Variants in RIMS1 observed in about 807,000 individuals in gnomAD.
RIMS1 encodes regulating synaptic membrane exocytosis 1, also known as regulating synaptic membrane exocytosis protein 1.
Under a neutral mutation model 214.1 loss-of-function variants are expected in RIMS1, and 83 were observed. The ratio of observed to expected loss-of-function variants is 0.39; its 90% confidence interval spans 0.32 to 0.47. The LOEUF (loss-of-function observed/expected upper bound fraction) is 0.47, where lower values mean the gene tolerates loss of function less well. Ranked by LOEUF, RIMS1 falls within the 20% of genes least tolerant of loss-of-function variation. The pLI, the probability that RIMS1 is intolerant of heterozygous loss-of-function variation, is 0.99. For synonymous variants in RIMS1, 793 were observed against 786.8 expected, an observed-to-expected ratio of 1.01 and a Z score of -0.13; for missense variants, 2,050 against 2,161.8, an observed-to-expected ratio of 0.95 and a Z score of 1.03.
At chr6:72,088,217 CTTTA>C (rs3079733) in intron 2 of RIMS1, among the ~76,000 whole-genome samples, 4,842 of 142,788 alleles carry the variant, frequency 0.034, 147 homozygotes, top group African/African-American at 0.082. Flanking sequence ...TATTTATTTA[CTTTA>C]TTTATTTATT....
In RIMS1 at chr6:71,987,727, C is replaced by T. The variant is rs561359171; in HGVS notation, c.245+18664C>T. ...ACAATAGAAAACAAAGATATGTAGA[C>T]TGGGAGGAAGGTGGACTTATTAGTC... On this transcript the variant is annotated intron_variant, in intron 2 of 33. Coordinates refer to ENST00000521978, the MANE Select transcript of RIMS1 (RefSeq NM_014989.7). Among the ~76,000 whole-genome samples, 5 of 152,160 alleles carry T rather than the reference C, an allele frequency of 3.3e-5. No individual in the cohort carries two copies. In the South Asian group the frequency reaches 6.2e-4, roughly 19 times the overall value.
At chr6:72,018,763 G>A (rs1813593332) in intron 2 of RIMS1, among the ~76,000 whole-genome samples, 1 of 152,146 alleles carries the variant, frequency 6.6e-6, no homozygotes, top group South Asian at 2.1e-4. Context: ...ACAGTGAGCA[G>A]ATTAGGATTG....
intron 4 of RIMS1, among the ~76,000 whole-genome samples, chr6:72,101,930 A>T (rs559002091): frequency 1.4e-3 from 208 of 152,126 alleles, no homozygotes; most frequent in African/African-American, 4.7e-3. Flanking sequence ...TGTAATGGGC[A>T]TATGTAATGG....
At chr6:72,030,435 G>A (rs1817759348) in intron 2 of RIMS1, among the ~76,000 whole-genome samples, 1 of 152,082 alleles carries the variant, frequency 6.6e-6, no homozygotes, top group Non-Finnish European at 1.5e-5. Context: ...CATAATGGAT[G>A]TTTGAAAGTA....
At chr6:72,313,436 T>G (rs2095608403) in intron 27 of RIMS1, 70 bp from the exon 28 acceptor site, 2 of 1,418,010 alleles carry the variant, frequency 1.4e-6, no homozygotes, top group Admixed American at 1.9e-5. Context: ...AAGTAGTCAT[T>G]CATCTCACCA....
chr6:71,912,764 A>G (rs182707205), intron 1 of RIMS1, among the ~76,000 whole-genome samples: 1 of 152,314 alleles, frequency 6.6e-6, no homozygotes, highest in East Asian at 1.9e-4. Flanking sequence ...ACTGAATCAT[A>G]TTGCCCAATA....
intron 28 of RIMS1, among the ~76,000 whole-genome samples, chr6:72,326,265 T>G (rs1227305639): frequency 6.6e-6 from 1 of 151,790 alleles, no homozygotes; most frequent in Admixed American, 6.6e-5. Context: ...GCCCCTCGTG[T>G]CTTCTGAAAA....
intron 2 of RIMS1, among the ~76,000 whole-genome samples, chr6:72,029,574 A>G (rs920982696): frequency 1.3e-5 from 2 of 152,164 alleles, no homozygotes; most frequent in African/African-American, 4.8e-5. Flanking sequence ...TGGACTTCCC[A>G]GCCTCTAGAA....
chr6:72,013,009 T>A (rs1241658632), intron 2 of RIMS1, among the ~76,000 whole-genome samples: 2 of 152,254 alleles, frequency 1.3e-5, no homozygotes, highest in Non-Finnish European at 2.9e-5. Flanking sequence ...TGTCTCTATG[T>A]CTATGTAGGT....
At chr6:72,358,618 G>T (rs1316778189) in intron 29 of RIMS1, among the ~76,000 whole-genome samples, 1 of 152,142 alleles carries the variant, frequency 6.6e-6, no homozygotes, top group African/African-American at 2.4e-5. Flanking sequence ...AGTTAAGTTT[G>T]TCAAGGAAAA....
intron 4 of RIMS1, among the ~76,000 whole-genome samples, chr6:72,160,720 C>G (rs1259923098): frequency 7.1e-6 from 1 of 140,520 alleles, no homozygotes; most frequent in African/African-American, 2.5e-5. Flanking sequence ...GCCTTGCATC[C>G]CAAGGATGAA....
intron 1 of RIMS1, among the ~76,000 whole-genome samples, chr6:71,938,262 T>C (rs532779079): frequency 9.9e-5 from 15 of 152,280 alleles, no homozygotes; most frequent in Non-Finnish European, 1.9e-4. Context: ...TAGAGTTGCA[T>C]GCTGGTGGTG....
intron 6 of RIMS1, among the ~76,000 whole-genome samples, chr6:72,218,486 A>C (rs2057192044): frequency 6.6e-6 from 1 of 152,244 alleles, no homozygotes; most frequent in Non-Finnish European, 1.5e-5. Context: ...TTCCACTGGC[A>C]AAAATATGAA....
At chr6:72,369,116 A>G (rs1484469992) in intron 29 of RIMS1, among the ~76,000 whole-genome samples, 1 of 150,634 alleles carries the variant, frequency 6.6e-6, no homozygotes, top group Non-Finnish European at 1.5e-5. Flanking sequence ...AGACTAGGAG[A>G]GAACCAGTAA....
chr6:72,174,098 A>G (rs1038716485), intron 4 of RIMS1, among the ~76,000 whole-genome samples: 3 of 152,040 alleles, frequency 2.0e-5, no homozygotes, highest in African/African-American at 7.2e-5. Flanking sequence ...GAGAAAATCA[A>G]CTCCGTTCTT....
At chr6:72,021,816 A>G (rs1234891027) in intron 2 of RIMS1, among the ~76,000 whole-genome samples, 1 of 152,118 alleles carries the variant, frequency 6.6e-6, no homozygotes, top group Non-Finnish European at 1.5e-5. Context: ...GTATACAGAT[A>G]GGTCTGCATG....
At chr6:72,108,190 G>T (rs1402676297) in intron 4 of RIMS1, among the ~76,000 whole-genome samples, 1 of 152,036 alleles carries the variant, frequency 6.6e-6, no homozygotes, top group South Asian at 2.1e-4. Context: ...GACTGAGGTG[G>T]CTGAGGCCAT....
intron 2 of RIMS1, among the ~76,000 whole-genome samples, chr6:72,022,017 G>C (rs1814847378): frequency 6.6e-6 from 1 of 152,112 alleles, no homozygotes; most frequent in African/African-American, 2.4e-5. Flanking sequence ...TCCTCAAGTA[G>C]AATGATAGGT....
intron 29 of RIMS1, 29 bp from the exon 30 acceptor site, chr6:72,390,569 T>C: frequency 6.3e-7 from 1 of 1,591,148 alleles, no homozygotes; most frequent in Middle Eastern, 1.7e-4. Flanking sequence ...TAAATAAAAC[T>C]TAGAGTTTCT....
Sources: allele counts gnomAD v4.1 joint callset (sites outside exome capture counted in the v4.1 genomes callset), GRCh38; gene constraint gnomAD v4.1.1; transcripts MANE v1.5; gene names NCBI Gene and HGNC (gene_info 2026-07-23, HGNC 2026-07-21).